PITPNM2: variants seen among roughly 807,000 people sequenced by gnomAD.
PITPNM2 encodes the protein phosphatidylinositol transfer protein membrane associated 2.
PITPNM2 carries 35 observed loss-of-function variants against 132.2 expected under a neutral mutation model. The observed-to-expected ratio is 0.26, with a 90% CI of 0.20 to 0.35. The LOEUF (loss-of-function observed/expected upper bound fraction) is 0.35. Among genes scored for constraint, PITPNM2 ranks in the 10% least tolerant of loss-of-function variants. The pLI, the probability that PITPNM2 is intolerant of heterozygous loss-of-function variation, is 1.00. For missense variants in PITPNM2, 1,332 were observed against 1,912.0 expected (o/e 0.70, Z 5.66); for synonymous variants, 738 against 799.2 (o/e 0.92, Z 1.29).
Position 122,986,243 on chromosome 12 carries a change from G to A in PITPNM2, c.3834C>T (p.Phe1278=), listed in dbSNP as rs565193458. 82 of 1,576,818 alleles carry A rather than the reference G, an allele frequency of 5.2e-5. 1 individual carries two copies. In the South Asian group the frequency reaches 5.8e-4, roughly 11 times the overall value. The part of the protein sequence containing the change: ...ATRMALRKGS[F]GLPGQGDFLR... ...GAAAGTCGCCCTGGCCGGGCAGGCC[G>A]AAGCTGCCCTTGCGCAGCGCCATGC... The change falls in exon 26 of 26, where the codon TTC becomes TTT. Residue 1278 remains phenylalanine (F), a synonymous_variant. Transcript: ENST00000320201.
chr12:123,126,151 G>A (rs1321065671), intron 1 of PITPNM2, among the ~76,000 whole-genome samples: 1 of 151,928 alleles, frequency 6.6e-6, no homozygotes, highest in Non-Finnish European at 1.5e-5. Context: ...TTACAGGCTT[G>A]AGCCACCATG....
At chr12:123,067,297 A>G (rs1301205406) in intron 2 of PITPNM2, among the ~76,000 whole-genome samples, 3 of 152,144 alleles carry the variant, frequency 2.0e-5, no homozygotes, top group African/African-American at 7.2e-5. Context: ...CTCTACCAAA[A>G]ATACAAAAAT....
intron 2 of PITPNM2, among the ~76,000 whole-genome samples, chr12:123,060,408 C>T (rs1054503046): frequency 6.6e-6 from 1 of 152,198 alleles, no homozygotes; most frequent in Non-Finnish European, 1.5e-5. Flanking sequence ...GTTGACCTAG[C>T]TCCTGACCTA....
Position 122,994,738 on chromosome 12 carries a change from C to T in PITPNM2, c.2233+63G>A. 6.6e-7 allele frequency: 1 copy of T among 1,510,852 alleles called. No individual in the cohort carries two copies. Among genetic ancestry groups the T allele is most frequent in the Non-Finnish European group, 8.9e-7 (1 of 1,125,562 alleles). 93.6% of individuals were successfully genotyped at this position (1,510,852 alleles called of 1,614,324 possible). A position where few individuals can be genotyped will look rare whatever the true frequency, so the allele number is the denominator to read the frequency against. ...GCCATGATCTCATCACAGGGGTCCA[C>T]TGAGACCCCCGCCCCCGCACCCAGT... On this transcript the variant is annotated intron_variant, in intron 15 of 25. Transcript: ENST00000320201. The surrounding 1 kb of genome is among the most constrained non-coding windows in gnomAD (Gnocchi z 5.4).
chr12:123,059,289 G>A (rs889249624), intron 2 of PITPNM2, among the ~76,000 whole-genome samples: 8 of 152,334 alleles, frequency 5.3e-5, no homozygotes, highest in Middle Eastern at 3.4e-3. Flanking sequence ...GCCCCTTTCC[G>A]TAGCAGCACT....
intron 2 of PITPNM2, among the ~76,000 whole-genome samples, chr12:123,043,157 G>A (rs2040549361): frequency 6.6e-6 from 1 of 151,942 alleles, no homozygotes; most frequent in African/African-American, 2.4e-5. Context: ...CCCTGCTGCA[G>A]GCCAACCCTC....
chr12:123,026,194 A>ACTAC (rs1386700318), intron 3 of PITPNM2, among the ~76,000 whole-genome samples: 1 of 152,240 alleles, frequency 6.6e-6, no homozygotes, highest in East Asian at 1.9e-4. Flanking sequence ...TGGAGACAGG[A>ACTAC]CTACCTATCT....
intron 3 of PITPNM2, among the ~76,000 whole-genome samples, chr12:123,021,275 T>C (rs565525061): frequency 1.3e-5 from 2 of 152,144 alleles, no homozygotes; most frequent in Non-Finnish European, 2.9e-5. Flanking sequence ...ATCTTTACCA[T>C]GTGGGCCACA....
chr12:123,047,774 G>A (rs565134359), intron 2 of PITPNM2, among the ~76,000 whole-genome samples: 2 of 152,080 alleles, frequency 1.3e-5, no homozygotes, highest in South Asian at 2.1e-4. Context: ...AGGGTGGGGG[G>A]AACCTGAGGG....
At chr12:123,015,632 C>T (rs1002778621) in intron 3 of PITPNM2, among the ~76,000 whole-genome samples, 8 of 151,970 alleles carry the variant, frequency 5.3e-5, no homozygotes, top group Admixed American at 3.3e-4. Context: ...AATAAAATCA[C>T]AAAATGATAA....
In PITPNM2 at chr12:123,078,251, C is replaced by A. The variant is rs891625556; in HGVS notation, c.-96+32134G>T. ...CCAGAGGGAAGGCATCAGCAGAGAG[C>A]CAATCCCACAGTTCTGCTGCTGCAG... is the stretch of plus-strand genomic sequence containing the variant. On this transcript the variant is annotated intron_variant, in intron 2 of 25. Coordinates refer to ENST00000320201, the MANE Select transcript of PITPNM2 (RefSeq NM_020845.3). The surrounding 1 kb of genome is among the most constrained non-coding windows in gnomAD (Gnocchi z 7.3). Among the ~76,000 whole-genome samples, 1 of 152,170 alleles carries A rather than the reference C, an allele frequency of 6.6e-6. No individual in the cohort carries two copies. The highest frequency in any genetic ancestry group is 2.4e-5 in the African/African-American group (1 of 41,448).
rs2040080207 is a variant in PITPNM2 at position 123,031,345 on chromosome 12, GCTCGGA to G, written c.78+3162_78+3167del. Among the ~76,000 whole-genome samples the G allele has an allele frequency of 6.6e-6, 1 of 152,296 alleles. No individual in the cohort carries two copies. The highest frequency in any genetic ancestry group is 1.9e-4 in the East Asian group (1 of 5,182). On this transcript the variant is annotated intron_variant, in intron 3 of 25. Transcript: ENST00000320201. The surrounding 1 kb of genome is among the most constrained non-coding windows in gnomAD (Gnocchi z 4.5). ...ATATCTTGGAGCTCATTTTGTTGGA[GCTCGGA>G]CTGGGGGCTGTGGAGGCCAGAACCC...
chr12:123,101,336 TCTCA>T (rs1275236087), intron 2 of PITPNM2, among the ~76,000 whole-genome samples: 3 of 152,194 alleles, frequency 2.0e-5, no homozygotes, highest in African/African-American at 7.2e-5. Flanking sequence ...CCCACTCCTC[TCTCA>T]CTGTCATCAA....
rs1234701976 is a variant in PITPNM2, at chr12:123,004,720, G to T, written c.953-231C>A. 5.0e-6 allele frequency: 3 copies of T among 605,006 alleles called. No homozygotes were observed. Among genetic ancestry groups the T allele is most frequent in the Admixed American group, 5.6e-5 (2 of 35,966 alleles). 37.5% of individuals were successfully genotyped at this position (605,006 alleles called of 1,614,324 possible). A position where few individuals can be genotyped will look rare whatever the true frequency, so the allele number is the denominator to read the frequency against. ...GGCAGTCATGTCCCGGGGAGCATGG[G>T]TGGGGAAGAGCATGACAGACATAAG... is the stretch of plus-strand genomic sequence containing the variant. On this transcript the variant is annotated intron_variant, in intron 7 of 25. Coordinates refer to ENST00000320201, the MANE Select transcript of PITPNM2 (RefSeq NM_020845.3). The surrounding 1 kb of genome is among the most constrained non-coding windows in gnomAD (Gnocchi z 4.9).
Position 123,099,260 on chromosome 12 carries a change from T to C in PITPNM2, c.-96+11125A>G, listed in dbSNP as rs2137206431. On this transcript the variant is annotated intron_variant, in intron 2 of 25. Coordinates refer to ENST00000320201, the MANE Select transcript of PITPNM2 (RefSeq NM_020845.3). The surrounding 1 kb of genome is among the most constrained non-coding windows in gnomAD (Gnocchi z 4.2). Reference sequence around the variant, plus strand: ...GAAAAAAAAAATATATATCTTTTTTTTTAAAGAATGAAACCTCATACCAGG... The same window carrying C: ...GAAAAAAAAAATATATATCTTTTTTCTTAAAGAATGAAACCTCATACCAGG... Among the ~76,000 whole-genome samples, 1 of 152,266 alleles carries C rather than the reference T, an allele frequency of 6.6e-6. No homozygotes were observed. Among genetic ancestry groups the C allele is most frequent in the Non-Finnish European group, 1.5e-5 (1 of 68,014 alleles).
At chr12:123,118,131 A>C (rs1327280208) in intron 1 of PITPNM2, among the ~76,000 whole-genome samples, 3 of 152,256 alleles carry the variant, frequency 2.0e-5, no homozygotes, top group Non-Finnish European at 4.4e-5. Flanking sequence ...AGAATTGTCT[A>C]GCAGTTAGCA....
chr12:123,098,826 C>T (rs772230729), intron 2 of PITPNM2, among the ~76,000 whole-genome samples: 2 of 152,158 alleles, frequency 1.3e-5, no homozygotes, highest in Non-Finnish European at 2.9e-5. Context: ...AGCCCAATCT[C>T]CATCCTGCCA....
At chr12:123,053,787 C>T (rs1566269105) in intron 2 of PITPNM2, among the ~76,000 whole-genome samples, 1 of 152,018 alleles carries the variant, frequency 6.6e-6, no homozygotes, top group East Asian at 1.9e-4. Flanking sequence ...AGGTTGGTCT[C>T]GAGCTCCTGA....
rs1268283645 is a variant in PITPNM2, at chr12:123,150,193, G to C, written c.-200+560C>G. Among the ~76,000 whole-genome samples, 1 of 152,100 alleles carries C rather than the reference G, an allele frequency of 6.6e-6. No homozygotes were observed. The highest frequency in any genetic ancestry group is 1.5e-5 in the Non-Finnish European group (1 of 68,030). On this transcript the variant is annotated intron_variant, in intron 1 of 25. Coordinates refer to ENST00000320201, the MANE Select transcript of PITPNM2 (RefSeq NM_020845.3). The surrounding 1 kb of genome is among the most constrained non-coding windows in gnomAD (Gnocchi z 6.0). Reference sequence around the variant, plus strand: ...CTGCCACGGATAAGAAAGGATTCGGGGTGGGAAGAAGACAGAGCCGGCACC... The same window carrying C: ...CTGCCACGGATAAGAAAGGATTCGGCGTGGGAAGAAGACAGAGCCGGCACC...
Sources: allele counts gnomAD v4.1 joint callset (sites outside exome capture counted in the v4.1 genomes callset), GRCh38; gene constraint gnomAD v4.1.1; non-coding constraint Gnocchi (gnomAD v3.1); transcripts MANE v1.5; gene names NCBI Gene and HGNC (gene_info 2026-07-23, HGNC 2026-07-21).